The following GRIP1 variants were observed in gnomAD, a reference collection of about 807,000 sequenced individuals.
GRIP1 encodes glutamate receptor-interacting protein 1.
In GRIP1, 45 loss-of-function variants were observed where a neutral mutation model predicts 129.9. That is an observed-to-expected ratio of 0.35 (90% CI 0.27 to 0.44). GRIP1 has a LOEUF of 0.44. Among genes scored for constraint, GRIP1 ranks in the 20% least tolerant of loss-of-function variants. The pLI is 1.00. For synonymous variants in GRIP1, 530 were observed against 520.8 expected (o/e 1.02, Z -0.24); for missense variants, 1,196 against 1,396.8 (o/e 0.86, Z 2.29).
At chr12:66,618,837 T>C (rs2065149863) in intron 1 of GRIP1, among the ~76,000 whole-genome samples, 2 of 152,094 alleles carry the variant, frequency 1.3e-5, no homozygotes, top group Admixed American at 6.6e-5. Flanking sequence ...GCAAGCACCA[T>C]CATCATCTAT....
chr12:66,422,564 A>C (rs1283102907), intron 14 of GRIP1, among the ~76,000 whole-genome samples: 1 of 134,510 alleles, frequency 7.4e-6, no homozygotes. Flanking sequence ...CATAGCACTC[A>C]ATGTTTCCTT....
intron 1 of GRIP1, among the ~76,000 whole-genome samples, chr12:66,609,882 A>C (rs2064714177): frequency 6.6e-6 from 1 of 152,172 alleles, no homozygotes. Context: ...GGGACACTTC[A>C]ATCATGAAAG....
At chr12:66,516,836 CTT>C (rs2060858354) in intron 6 of GRIP1, among the ~76,000 whole-genome samples, 1 of 152,120 alleles carries the variant, frequency 6.6e-6, no homozygotes, top group Non-Finnish European at 1.5e-5. Context: ...TGAAATATCA[CTT>C]TCTTAAAAGT....
intron 1 of GRIP1, among the ~76,000 whole-genome samples, chr12:66,937,818 A>G (rs1414195269): frequency 1.3e-5 from 2 of 152,220 alleles, no homozygotes; most frequent in African/African-American, 4.8e-5. Context: ...GTGAAAAATT[A>G]TCTTATTGGT....
intron 1 of GRIP1, among the ~76,000 whole-genome samples, chr12:66,919,114 C>T (rs186591858): frequency 3.9e-5 from 6 of 152,222 alleles, no homozygotes; most frequent in Admixed American, 3.9e-4. Flanking sequence ...CAGGCTGTAA[C>T]AGGTATGAAA....
intron 1 of GRIP1, among the ~76,000 whole-genome samples, chr12:66,813,811 C>T (rs1404951604): frequency 6.6e-6 from 1 of 152,126 alleles, no homozygotes; most frequent in Non-Finnish European, 1.5e-5. Context: ...AAATTGTGGG[C>T]TTCTATTCCA....
At chr12:66,741,562 T>G (rs2036788288) in intron 1 of GRIP1, among the ~76,000 whole-genome samples, 2 of 152,246 alleles carry the variant, frequency 1.3e-5, no homozygotes, top group Non-Finnish European at 2.9e-5. Flanking sequence ...TTAAATTTTC[T>G]GTAGTCACAT....
intron 1 of GRIP1, among the ~76,000 whole-genome samples, chr12:66,627,682 AC>A (rs2030246885): frequency 6.6e-6 from 1 of 152,170 alleles, no homozygotes; most frequent in African/African-American, 2.4e-5. Context: ...GGTTGCAGAG[AC>A]CTAGTTCTAG....
intron 1 of GRIP1, among the ~76,000 whole-genome samples, chr12:66,661,365 T>C (rs569793121): frequency 3.1e-4 from 47 of 151,284 alleles, no homozygotes; most frequent in South Asian, 2.5e-3. Context: ...CCCTAGGAGT[T>C]AATTTCTCAA....
chr12:66,582,431 A>G (rs1428561844), intron 2 of GRIP1, among the ~76,000 whole-genome samples: 1 of 149,348 alleles, frequency 6.7e-6, no homozygotes, highest in Non-Finnish European at 1.5e-5. Flanking sequence ...GAAGGAAATA[A>G]AGGGTATTCA....
chr12:67,014,079 C>T (rs1169648407), intron 1 of GRIP1, among the ~76,000 whole-genome samples: 1 of 152,164 alleles, frequency 6.6e-6, no homozygotes, highest in South Asian at 2.1e-4. Flanking sequence ...ATAATCTGTA[C>T]ACATGGAGAC....
At chr12:66,497,357 C>G (rs757984635) in intron 7 of GRIP1, among the ~76,000 whole-genome samples, 11 of 152,158 alleles carry the variant, frequency 7.2e-5, no homozygotes, top group Non-Finnish European at 1.6e-4. Flanking sequence ...TAGGCTGAGT[C>G]TTTAAAGAAC....
At position 66,444,347 on chromosome 12, in the gene GRIP1, G is replaced by A. The variant is rs537393856; in HGVS notation, c.1687+237C>T. On this transcript the variant is annotated intron_variant, in intron 13 of 24. Coordinates refer to ENST00000359742, the MANE Select transcript of GRIP1 (RefSeq NM_001366722.1). ...TAAAAATACAAAAAATTAGCCGGGC[G>A]CGGTGGCGGGCGCCTGTAGTCCCAG... 4.6e-5 allele frequency among the ~76,000 whole-genome samples: 7 copies of A among 151,384 alleles called. No individual in the cohort carries two copies. In the South Asian group the frequency reaches 6.3e-4, roughly 14 times the overall value.
At position 67,064,642 on chromosome 12, in the gene GRIP1, T is replaced by C. The variant is rs530128766; in HGVS notation, c.58+4408A>G. Among the ~76,000 whole-genome samples, 733 of 152,184 alleles carry C rather than the reference T, an allele frequency of 4.8e-3. 5 individuals carry two copies. The highest frequency in any genetic ancestry group is 0.017 in the African/African-American group (697 of 41,498). On this transcript the variant is annotated intron_variant, in intron 1 of 1. Coordinates refer to the GRIP1 transcript ENST00000643019. The stretch of plus-strand genomic sequence containing the variant: ...CACATTGGACTTTTTGTTAAGGAGG[T>C]TGTGGGTGGGGTCACCAGATCTCCT...
rs115921115 is a variant in GRIP1, at chr12:66,927,359, G to A, written c.58+141691C>T. Among the ~76,000 whole-genome samples the A allele has an allele frequency of 2.5e-3, 379 of 152,260 alleles. 1 individual carries two copies. Among genetic ancestry groups the A allele is most frequent in the Middle Eastern group, 0.01 (3 of 294 alleles). On this transcript the variant is annotated intron_variant, in intron 1 of 1. Transcript: ENST00000643019. ...TTAGAGATACACAGCCAACAAAGCA[G>A]CAAAAAATGTCCCCACTCCTCTAGA...
intron 2 of GRIP1, among the ~76,000 whole-genome samples, chr12:66,584,539 T>C (rs924611333): frequency 6.6e-6 from 1 of 151,988 alleles, no homozygotes; most frequent in Non-Finnish European, 1.5e-5. Context: ...CGCCATTGCA[T>C]GCCAGCTGGG....
chr12:67,059,178 A>G (rs940057332), intron 1 of GRIP1, among the ~76,000 whole-genome samples: 4 of 152,232 alleles, frequency 2.6e-5, no homozygotes, highest in Non-Finnish European at 4.4e-5. Context: ...AAACTCCATC[A>G]TGATTCAGAG....
intron 16 of GRIP1, among the ~76,000 whole-genome samples, chr12:66,402,099 G>A (rs2057023361): frequency 6.6e-6 from 1 of 152,180 alleles, no homozygotes; most frequent in African/African-American, 2.4e-5. Flanking sequence ...GCCTACTAGA[G>A]TGTGCCATGC....
chr12:66,358,946 T>G (rs2054618037), intron 23 of GRIP1, among the ~76,000 whole-genome samples: 1 of 152,216 alleles, frequency 6.6e-6, no homozygotes, highest in South Asian at 2.1e-4. Context: ...TGTCCCACTC[T>G]GGCTTTATCT....
Sources: gnomAD v4.1 joint callset for allele counts (sites outside exome capture counted in the v4.1 genomes callset) on GRCh38, gnomAD v4.1.1 for gene constraint, MANE v1.5 for transcripts, NCBI Gene and HGNC (gene_info 2026-07-23, HGNC 2026-07-21) for gene names.